The following LRRTM4 variants were observed in gnomAD, a reference collection of about 807,000 sequenced individuals.
LRRTM4 encodes the protein leucine rich repeat transmembrane neuronal 4, also known as leucine-rich repeat transmembrane neuronal protein 4.
In LRRTM4, 25 loss-of-function variants were observed where a neutral mutation model predicts 47.6. That is an observed-to-expected ratio of 0.53 (90% CI 0.38 to 0.73). The LOEUF (loss-of-function observed/expected upper bound fraction) is 0.73, where lower values mean the gene tolerates loss of function less well. Ranked by LOEUF, LRRTM4 falls within the 30% of genes least tolerant of loss-of-function variation. LRRTM4 has a pLI of 0.00. For synonymous variants in LRRTM4, 311 were observed against 269.5 expected, an observed-to-expected ratio of 1.15 and a Z score of -1.51; for missense variants, 638 against 713.4, an observed-to-expected ratio of 0.89 and a Z score of 1.20.
chr2:76,883,574 G>T (rs1018300728), intron 3 of LRRTM4, among the ~76,000 whole-genome samples: 1 of 152,112 alleles, frequency 6.6e-6, no homozygotes, highest in Non-Finnish European at 1.5e-5. Context: ...TAGGACAGAG[G>T]AACTGGGAAG....
At chr2:76,765,622 T>C (rs985180915) in intron 3 of LRRTM4, among the ~76,000 whole-genome samples, 1 of 151,988 alleles carries the variant, frequency 6.6e-6, no homozygotes, top group African/African-American at 2.4e-5. Flanking sequence ...AAAGGAGAGG[T>C]CATGTGAGCA....
intron 3 of LRRTM4, among the ~76,000 whole-genome samples, chr2:77,244,916 A>C (rs10196405): frequency 0.55 from 83,078 of 151,882 alleles, 23,089 homozygotes; most frequent in African/African-American, 0.6. Context: ...GAAAGCAGAT[A>C]CTTTCCTGGT....
intron 3 of LRRTM4, among the ~76,000 whole-genome samples, chr2:77,375,241 T>A (rs1021126243): frequency 6.6e-6 from 1 of 151,800 alleles, no homozygotes; most frequent in Non-Finnish European, 1.5e-5. Flanking sequence ...TAATATGATA[T>A]CCTCCCTCTT....
At chr2:77,234,179 T>C (rs1242038431) in intron 3 of LRRTM4, among the ~76,000 whole-genome samples, 1 of 152,218 alleles carries the variant, frequency 6.6e-6, no homozygotes, top group Non-Finnish European at 1.5e-5. Flanking sequence ...ATCTATTGAA[T>C]TGGGTTATGA....
chr2:76,938,354 T>C (rs181234073), intron 3 of LRRTM4, among the ~76,000 whole-genome samples: 5 of 151,738 alleles, frequency 3.3e-5, no homozygotes, highest in Non-Finnish European at 7.4e-5. Flanking sequence ...ATAAAAATAT[T>C]ATGATGTATT....
intron 3 of LRRTM4, among the ~76,000 whole-genome samples, chr2:77,234,694 G>T (rs1675057112): frequency 6.6e-6 from 1 of 152,112 alleles, no homozygotes; most frequent in African/African-American, 2.4e-5. Flanking sequence ...GCTCTGCTCA[G>T]ATCAATTAAT....
intron 3 of LRRTM4, among the ~76,000 whole-genome samples, chr2:76,886,777 G>T (rs940796231): frequency 1.3e-5 from 2 of 151,934 alleles, no homozygotes; most frequent in East Asian, 3.8e-4. Flanking sequence ...AACAATTTAT[G>T]TGTAGGACCT....
intron 3 of LRRTM4, among the ~76,000 whole-genome samples, chr2:77,101,046 A>C (rs1670939468): frequency 6.6e-6 from 1 of 152,000 alleles, no homozygotes; most frequent in Non-Finnish European, 1.5e-5. Context: ...CACATTGGCC[A>C]GGATGGTCTT....
At chr2:77,090,818 T>A (rs564638415) in intron 3 of LRRTM4, among the ~76,000 whole-genome samples, 11 of 152,094 alleles carry the variant, frequency 7.2e-5, no homozygotes, top group Non-Finnish European at 2.9e-5. Context: ...TCTGACTGAC[T>A]CCTCCTCGGC....
chr2:77,111,419 G>A (rs145726045), intron 3 of LRRTM4, among the ~76,000 whole-genome samples: 2,109 of 151,772 alleles, frequency 0.014, 22 homozygotes, highest in Non-Finnish European at 0.021. Context: ...GAGCCACCGC[G>A]CCTGGCCAAT....
chr2:77,398,149 T>C (rs1441427596), intron 3 of LRRTM4, among the ~76,000 whole-genome samples: 1 of 151,916 alleles, frequency 6.6e-6, no homozygotes, highest in Non-Finnish European at 1.5e-5. Context: ...AATAATTCTC[T>C]CAAATGCAAA....
chr2:76,900,113 G>C (rs1195907058), intron 3 of LRRTM4, among the ~76,000 whole-genome samples: 1 of 151,962 alleles, frequency 6.6e-6, no homozygotes, highest in African/African-American at 2.4e-5. Flanking sequence ...CATGCCTCTA[G>C]TCCCAGCTGC....
chr2:76,839,818 T>A (rs1671619658), intron 3 of LRRTM4, among the ~76,000 whole-genome samples: 1 of 152,122 alleles, frequency 6.6e-6, no homozygotes, highest in African/African-American at 2.4e-5. Context: ...TAATGGTAAA[T>A]CTTGTAAAAA....
chr2:77,084,295 G>C (rs190603378), intron 3 of LRRTM4, among the ~76,000 whole-genome samples: 39 of 152,266 alleles, frequency 2.6e-4, no homozygotes, highest in African/African-American at 8.2e-4. Context: ...TAGGCTAGTT[G>C]CAACCATCTT....
intron 3 of LRRTM4, among the ~76,000 whole-genome samples, chr2:77,128,079 G>A (rs540568906): frequency 6.6e-6 from 1 of 151,204 alleles, no homozygotes; most frequent in South Asian, 2.1e-4. Context: ...GGAGGCAGAG[G>A]TTGCAGTGAG....
At chr2:77,035,514 T>C (rs918283356) in intron 3 of LRRTM4, among the ~76,000 whole-genome samples, 2 of 151,976 alleles carry the variant, frequency 1.3e-5, no homozygotes, top group Admixed American at 6.6e-5. Flanking sequence ...TTCTATAATT[T>C]TATTTCATTT....
At chr2:76,903,666 A>G (rs182924847) in intron 3 of LRRTM4, among the ~76,000 whole-genome samples, 2 of 152,376 alleles carry the variant, frequency 1.3e-5, no homozygotes, top group East Asian at 3.9e-4. Flanking sequence ...TTTGAGCAGT[A>G]GTCAATAAGA....
chr2:76,908,947 C>G (rs1198772090), intron 3 of LRRTM4, among the ~76,000 whole-genome samples: 1 of 152,086 alleles, frequency 6.6e-6, no homozygotes, highest in African/African-American at 2.4e-5. Context: ...CAATGCCATC[C>G]CCATCAAGCT....
chr2:76,940,746 G>A (rs1174980168), intron 3 of LRRTM4, among the ~76,000 whole-genome samples: 2 of 152,194 alleles, frequency 1.3e-5, no homozygotes, highest in Non-Finnish European at 2.9e-5. Context: ...CTGAAAGTGA[G>A]TGTGTGGATG....
Sources: allele counts gnomAD v4.1 joint callset (sites outside exome capture counted in the v4.1 genomes callset), GRCh38; gene constraint gnomAD v4.1.1; transcripts MANE v1.5; gene names NCBI Gene and HGNC (gene_info 2026-07-23, HGNC 2026-07-21).